Variants in CNTLN observed in about 807,000 individuals in gnomAD.
CNTLN encodes centlein, also known as centlein, centrosomal protein.
In CNTLN, 212 loss-of-function variants were observed where a neutral mutation model predicts 180.0. The observed-to-expected ratio is 1.18, with a 90% CI of 1.05 to 1.32. The LOEUF is 1.32. Ranked by LOEUF, CNTLN falls within the 40% of genes most tolerant of loss-of-function variation. The pLI, the probability that CNTLN is intolerant of heterozygous loss-of-function variation, is 0.00. For synonymous variants in CNTLN, 722 were observed against 563.1 expected, an observed-to-expected ratio of 1.28 and a Z score of -3.99; for missense variants, 2,095 against 1,610.9, an observed-to-expected ratio of 1.30 and a Z score of -5.14.
intron 6 of CNTLN, among the ~76,000 whole-genome samples, chr9:17,274,667 T>G (rs1012923384): frequency 6.6e-6 from 1 of 152,118 alleles, no homozygotes; most frequent in Non-Finnish European, 1.5e-5. Flanking sequence ...ATAATTTATT[T>G]TAATTTAAAA....
At chr9:17,483,852 A>G (rs533794538) in intron 23 of CNTLN, among the ~76,000 whole-genome samples, 32 of 152,328 alleles carry the variant, frequency 2.1e-4, no homozygotes, top group Middle Eastern at 3.4e-3. Context: ...AAATAGAAAC[A>G]GTTCTTTCTG....
At chr9:17,309,403 G>A (rs900614520) in intron 8 of CNTLN, 151 bp downstream of exon 8, 23 of 560,196 alleles carry the variant, frequency 4.1e-5, no homozygotes, top group African/African-American at 3.8e-4. Context: ...TTTTTATACT[G>A]TTTGTAGGCA....
intron 2 of CNTLN, among the ~76,000 whole-genome samples, chr9:17,176,460 A>G (rs1820725051): frequency 6.6e-6 from 1 of 152,186 alleles, no homozygotes; most frequent in African/African-American, 2.4e-5. Context: ...GTCGTGGAGT[A>G]CAATTATACA....
chr9:17,465,098 T>A (rs1003518457), intron 21 of CNTLN, among the ~76,000 whole-genome samples: 1 of 150,448 alleles, frequency 6.6e-6, no homozygotes, highest in African/African-American at 2.4e-5. Flanking sequence ...ACGTAATATA[T>A]GACCCAAAGT....
intron 1 of CNTLN, among the ~76,000 whole-genome samples, chr9:17,140,091 G>T (rs901611851): frequency 2.0e-5 from 3 of 152,108 alleles, no homozygotes; most frequent in African/African-American, 4.8e-5. Flanking sequence ...TAGTTTCCTT[G>T]TATTAATGTC....
At chr9:17,371,814 T>G (rs1824342881) in intron 13 of CNTLN, among the ~76,000 whole-genome samples, 1 of 152,062 alleles carries the variant, frequency 6.6e-6, no homozygotes, top group Non-Finnish European at 1.5e-5. Context: ...CATGAAAAAT[T>G]TTGGAAGCTC....
chr9:17,390,992 A>G (rs1443023574), intron 14 of CNTLN, among the ~76,000 whole-genome samples: 2 of 152,210 alleles, frequency 1.3e-5, no homozygotes, highest in Non-Finnish European at 2.9e-5. Context: ...CACTCCTATA[A>G]TAAAAGGCAG....
chr9:17,247,367 C>A (rs1441559865), intron 5 of CNTLN, among the ~76,000 whole-genome samples: 2 of 152,162 alleles, frequency 1.3e-5, no homozygotes, highest in African/African-American at 2.4e-5. Context: ...TCCATGGTGC[C>A]AGCTGAGTTC....
intron 8 of CNTLN, among the ~76,000 whole-genome samples, chr9:17,328,142 T>C (rs543162342): frequency 7.7e-4 from 117 of 152,326 alleles, no homozygotes; most frequent in African/African-American, 2.7e-3. Flanking sequence ...TATACCCTTT[T>C]GTACCCTACT....
intron 7 of CNTLN, among the ~76,000 whole-genome samples, chr9:17,306,171 T>G (rs1484694577): frequency 4.0e-5 from 6 of 148,592 alleles, no homozygotes; most frequent in Non-Finnish European, 8.9e-5. Flanking sequence ...TTTTTTTGAG[T>G]TTGAGTCTTG....
chr9:17,424,998 G>T (rs1012742409), intron 18 of CNTLN, among the ~76,000 whole-genome samples: 3 of 152,176 alleles, frequency 2.0e-5, no homozygotes. Context: ...TGAAATTTTT[G>T]TGGAGTTATA....
chr9:17,476,570 A>G (rs1832360677), intron 23 of CNTLN, among the ~76,000 whole-genome samples: 1 of 152,338 alleles, frequency 6.6e-6, no homozygotes, highest in South Asian at 2.1e-4. Flanking sequence ...ACAAATGATA[A>G]GAAAGTGAAA....
intron 12 of CNTLN, among the ~76,000 whole-genome samples, chr9:17,343,770 T>G (rs1362906568): frequency 2.0e-5 from 3 of 152,090 alleles, no homozygotes; most frequent in Non-Finnish European, 4.4e-5. Flanking sequence ...TATTTTAGAT[T>G]TACAGTTTTA....
chr9:17,250,892 T>C (rs1826097789), intron 5 of CNTLN, among the ~76,000 whole-genome samples: 1 of 152,084 alleles, frequency 6.6e-6, no homozygotes, highest in Non-Finnish European at 1.5e-5. Context: ...TTACATCCTT[T>C]CATTTCAATC....
intron 2 of CNTLN, among the ~76,000 whole-genome samples, chr9:17,173,941 C>A (rs908896717): frequency 2.6e-5 from 4 of 152,116 alleles, no homozygotes; most frequent in African/African-American, 9.7e-5. Context: ...CAGAACAATT[C>A]TGTCACCATA....
chr9:17,393,906 C>T (rs1826296760), intron 14 of CNTLN, among the ~76,000 whole-genome samples: 1 of 151,998 alleles, frequency 6.6e-6, no homozygotes, highest in African/African-American at 2.4e-5. Flanking sequence ...GTTGCCATTG[C>T]TATGTCCTAT....
At chr9:17,235,603 A>G (rs1825092386) in intron 3 of CNTLN, 55 bp from the exon 4 acceptor site, 1 of 1,373,436 alleles carries the variant, frequency 7.3e-7, no homozygotes, top group South Asian at 1.3e-5. Context: ...TTAAAATAAA[A>G]TACTGTTTTT....
At chr9:17,508,049 A>G (rs147004981), downstream of CNTLN, among the ~76,000 whole-genome samples, 699 of 152,254 alleles carry the variant, frequency 4.6e-3, 6 homozygotes, top group African/African-American at 0.016. Context: ...TCACCCAGAG[A>G]GAAGTATTAG....
intron 2 of CNTLN, among the ~76,000 whole-genome samples, chr9:17,216,519 A>C (rs566838723): frequency 4.5e-4 from 68 of 152,256 alleles, no homozygotes; most frequent in African/African-American, 1.5e-3. Context: ...TTATTGATAC[A>C]TTTATCAAGG....
Sources: gnomAD v4.1 joint callset for allele counts (sites outside exome capture counted in the v4.1 genomes callset) on GRCh38, gnomAD v4.1.1 for gene constraint, MANE v1.5 for transcripts, NCBI Gene and HGNC (gene_info 2026-07-23, HGNC 2026-07-21) for gene names.